Variants in COX10 observed in about 807,000 individuals in gnomAD.
The protein encoded by COX10 is cytochrome c oxidase assembly factor heme A:farnesyltransferase COX10.
COX10 carries 27 observed loss-of-function variants against 37.3 expected under a neutral mutation model. The observed-to-expected ratio is 0.72, with a 90% CI of 0.53 to 1.00. The LOEUF (loss-of-function observed/expected upper bound fraction) is 1.00, where lower values mean the gene tolerates loss of function less well. Ranked by LOEUF, COX10 falls within the 50% of genes least tolerant of loss-of-function variation. The probability of loss-of-function intolerance (pLI) is 0.00; values close to 1 mark genes in which losing one functional copy is unlikely to be tolerated. For missense variants in COX10, 475 were observed against 563.2 expected, an observed-to-expected ratio of 0.84 and a Z score of 1.59; for synonymous variants, 222 against 229.1, an observed-to-expected ratio of 0.97 and a Z score of 0.28.
At chr17:14,143,246 A>G (rs968937682) in intron 4 of COX10, among the ~76,000 whole-genome samples, 1 of 152,138 alleles carries the variant, frequency 6.6e-6, no homozygotes, top group East Asian at 1.9e-4. Context: ...AAATACCATT[A>G]TTTACTATTT....
rs964028641 is a variant in COX10 at position 14,207,343 on chromosome 17, A to C, written c.*130A>C. ...TAAACGAATTCGGTGCTCAGTGATC[A>C]CTTGACAGTTTTTTTTTTTTTTAAA... On this transcript the variant is annotated 3_prime_UTR_variant, in exon 7 of 7. Coordinates refer to ENST00000261643, the MANE Select transcript of COX10 (RefSeq NM_001303.4). 7 of 1,235,388 alleles carry C rather than the reference A, an allele frequency of 5.7e-6. No homozygotes were observed. The African/African-American group carries it at 1.1e-4, about 19-fold the overall frequency. The allele number at this position is 1,235,388 out of a possible 1,614,324, so 76.5% of individuals were successfully genotyped here.
chr17:14,159,818 C>T (rs940328247), intron 4 of COX10, 59 bp from the exon 5 acceptor site: 16 of 1,325,728 alleles, frequency 1.2e-5, no homozygotes, highest in Admixed American at 1.1e-4. Flanking sequence ...AGTACTAAAG[C>T]GGAAGAAAAG....
intron 3 of COX10, among the ~76,000 whole-genome samples, chr17:14,100,730 G>A (rs141742855): frequency 6.6e-6 from 1 of 152,324 alleles, no homozygotes; most frequent in Non-Finnish European, 1.5e-5. Flanking sequence ...AATTTTCAAT[G>A]TTCAAAGCAG....
At chr17:14,106,134 A>T (rs1435203351) in intron 4 of COX10, among the ~76,000 whole-genome samples, 5 of 152,008 alleles carry the variant, frequency 3.3e-5, no homozygotes, top group Admixed American at 6.6e-5. Context: ...CTCCTGCCGC[A>T]GCCTCCCAAG....
intron 4 of COX10, among the ~76,000 whole-genome samples, chr17:14,110,111 A>G (rs560987835): frequency 2.6e-5 from 4 of 152,254 alleles, no homozygotes; most frequent in Admixed American, 2.6e-4. Flanking sequence ...GGAGAAAATT[A>G]CAAGAAAGGC....
intron 4 of COX10, among the ~76,000 whole-genome samples, chr17:14,140,418 AT>A (rs1436545739): frequency 6.6e-6 from 1 of 152,052 alleles, no homozygotes; most frequent in Non-Finnish European, 1.5e-5. Context: ...TTCCTTTAGT[AT>A]TTCTTCCAAT....
intron 4 of COX10, among the ~76,000 whole-genome samples, chr17:14,141,487 G>T (rs1387614810): frequency 7.5e-6 from 1 of 133,682 alleles, no homozygotes; most frequent in Non-Finnish European, 1.5e-5. Flanking sequence ...CTGAGATGGT[G>T]CCACTGCACT....
At chr17:14,149,860 A>G (rs1480546022) in intron 4 of COX10, among the ~76,000 whole-genome samples, 2 of 152,148 alleles carry the variant, frequency 1.3e-5, no homozygotes, top group Non-Finnish European at 2.9e-5. Flanking sequence ...ATCACTTGCA[A>G]TCCCAAGAGC....
At position 14,207,343 on chromosome 17, in the gene COX10, A is replaced by T; in HGVS notation, c.*130A>T. The T allele has an allele frequency of 8.1e-7, 1 of 1,235,392 alleles. No individual in the cohort carries two copies. Among genetic ancestry groups the T allele is most frequent in the African/African-American group, 1.6e-5 (1 of 64,078 alleles). 76.5% of individuals were successfully genotyped at this position (1,235,392 alleles called of 1,614,324 possible). On this transcript the variant is annotated 3_prime_UTR_variant, in exon 7 of 7. Transcript: ENST00000261643. ...TAAACGAATTCGGTGCTCAGTGATC[A>T]CTTGACAGTTTTTTTTTTTTTTAAA...
At chr17:14,142,162 C>T (rs1904565665) in intron 4 of COX10, among the ~76,000 whole-genome samples, 1 of 152,178 alleles carries the variant, frequency 6.6e-6, no homozygotes, top group Admixed American at 6.5e-5. Context: ...AGACTCAAAT[C>T]TAGTTAGTAA....
intron 4 of COX10, among the ~76,000 whole-genome samples, chr17:14,107,228 T>TC (rs1187611888): frequency 6.6e-6 from 1 of 151,688 alleles, no homozygotes; most frequent in Non-Finnish European, 1.5e-5. Flanking sequence ...CTTTCATTTT[T>TC]TTTTTCTGAG....
intron 4 of COX10, among the ~76,000 whole-genome samples, chr17:14,144,069 C>G (rs765734767): frequency 4.6e-5 from 7 of 152,072 alleles, no homozygotes; most frequent in Non-Finnish European, 1.0e-4. Context: ...CAGAATTTTA[C>G]AGTTTCTTTG....
chr17:14,115,487 A>C (rs1027502433), intron 4 of COX10, among the ~76,000 whole-genome samples: 1 of 152,138 alleles, frequency 6.6e-6, no homozygotes, highest in African/African-American at 2.4e-5. Context: ...TCAAAGAACT[A>C]AAAATAGAAA....
intron 5 of COX10, among the ~76,000 whole-genome samples, chr17:14,180,225 G>T (rs1467184806): frequency 5.9e-5 from 9 of 151,940 alleles, no homozygotes; most frequent in Admixed American, 1.3e-4. Context: ...TAGTCTCTTG[G>T]TGTGTATATA....
intron 5 of COX10, among the ~76,000 whole-genome samples, chr17:14,166,785 C>CT (rs57127092): frequency 0.067 from 6,768 of 100,284 alleles, 201 homozygotes; most frequent in East Asian, 0.12. Flanking sequence ...CTATTTCTTT[C>CT]TTTTTTTTTT....
chr17:14,106,700 T>C (rs536919560), intron 4 of COX10, among the ~76,000 whole-genome samples: 35 of 152,294 alleles, frequency 2.3e-4, no homozygotes, highest in Non-Finnish European at 4.0e-4. Context: ...TCAGAAATGT[T>C]CTTTTAATTC....
chr17:14,147,503 AG>A (rs1407606655), intron 4 of COX10, among the ~76,000 whole-genome samples: 3 of 152,246 alleles, frequency 2.0e-5, no homozygotes, highest in Middle Eastern at 3.4e-3. Flanking sequence ...GAGGCTGGGA[AG>A]GGTAGTGGGG....
intron 5 of COX10, among the ~76,000 whole-genome samples, chr17:14,165,815 C>T (rs1905268488): frequency 6.6e-6 from 1 of 152,194 alleles, no homozygotes; most frequent in African/African-American, 2.4e-5. Context: ...TCAGTGAATA[C>T]ACAAATGATA....
At chr17:14,124,847 C>G (rs1420822054) in intron 4 of COX10, among the ~76,000 whole-genome samples, 2 of 152,146 alleles carry the variant, frequency 1.3e-5, no homozygotes, top group Non-Finnish European at 2.9e-5. Context: ...TTGGATCTTA[C>G]TTGTTTAATG....
Sources: allele counts gnomAD v4.1 joint callset (sites outside exome capture counted in the v4.1 genomes callset), GRCh38; gene constraint gnomAD v4.1.1; transcripts MANE v1.5; gene names NCBI Gene and HGNC (gene_info 2026-07-23, HGNC 2026-07-21).